TMEM117: variants seen among roughly 807,000 people sequenced by gnomAD.
TMEM117 encodes transmembrane protein 117.
Under a neutral mutation model 52.4 loss-of-function variants are expected in TMEM117, and 27 were observed. The observed-to-expected ratio is 0.51, with a 90% CI of 0.38 to 0.71. The LOEUF (loss-of-function observed/expected upper bound fraction) is 0.71. TMEM117 is among the 30% of genes least tolerant of loss of function. TMEM117 has a pLI of 0.00. For synonymous variants in TMEM117, 215 were observed against 206.3 expected, an observed-to-expected ratio of 1.04 and a Z score of -0.36; for missense variants, 556 against 630.5, an observed-to-expected ratio of 0.88 and a Z score of 1.26.
intron 2 of TMEM117, among the ~76,000 whole-genome samples, chr12:43,876,041 A>G (rs1943789588): frequency 6.6e-6 from 1 of 152,208 alleles, no homozygotes; most frequent in Non-Finnish European, 1.5e-5. Flanking sequence ...AATACTTAGT[A>G]TCTCAGAATT....
intron 5 of TMEM117, among the ~76,000 whole-genome samples, chr12:44,212,221 G>A (rs1949655393): frequency 6.6e-6 from 1 of 152,176 alleles, no homozygotes; most frequent in African/African-American, 2.4e-5. Flanking sequence ...GCTGTTCTGA[G>A]TAGTGTGATG....
intron 5 of TMEM117, among the ~76,000 whole-genome samples, chr12:44,247,831 C>A (rs1276889935): frequency 6.6e-6 from 1 of 152,206 alleles, no homozygotes; most frequent in Non-Finnish European, 1.5e-5. Context: ...GGAGAGGGTG[C>A]TGTGATAGCC....
intron 5 of TMEM117, among the ~76,000 whole-genome samples, chr12:44,287,956 G>C (rs1950657578): frequency 6.6e-6 from 1 of 152,108 alleles, no homozygotes; most frequent in Non-Finnish European, 1.5e-5. Flanking sequence ...CCAGTGCTTG[G>C]CTTAAGTGCC....
At chr12:44,089,485 A>T (rs1253550074) in intron 3 of TMEM117, among the ~76,000 whole-genome samples, 1 of 151,890 alleles carries the variant, frequency 6.6e-6, no homozygotes, top group Non-Finnish European at 1.5e-5. Flanking sequence ...ACTCAAAACC[A>T]CCTTTTCCAC....
Position 44,158,892 on chromosome 12 carries a change from C to A in TMEM117, c.510+15268C>A, listed in dbSNP as rs918629564. Among the ~76,000 whole-genome samples the A allele has an allele frequency of 2.0e-5, 3 of 152,132 alleles. No individual in the cohort carries two copies. In the South Asian group the frequency reaches 6.2e-4, roughly 31 times the overall value. ...CAGTGTCTGCCCTGGTCTTTGGCAT[C>A]CTTGCTGTGGTACAGCTGGCTGGCA... On this transcript the variant is annotated intron_variant, in intron 4 of 7. Coordinates refer to ENST00000266534, the MANE Select transcript of TMEM117 (RefSeq NM_032256.3).
intron 3 of TMEM117, among the ~76,000 whole-genome samples, chr12:44,107,243 G>C (rs1297016734): frequency 6.6e-6 from 1 of 152,084 alleles, no homozygotes; most frequent in East Asian, 1.9e-4. Context: ...GGGTTAGTAA[G>C]ATATGGGGCA....
rs770607423 is a variant in TMEM117, at chr12:44,096,626, T to C, written c.411-46899T>C. On this transcript the variant is annotated intron_variant, in intron 3 of 7. Coordinates refer to ENST00000266534, the MANE Select transcript of TMEM117 (RefSeq NM_032256.3). ...CAAGCAATGGGGAAAGGATTCCCTATTTAATAAATGGTGCTGGGAAAACTG... is the reference window on the plus strand; with the variant it reads ...CAAGCAATGGGGAAAGGATTCCCTACTTAATAAATGGTGCTGGGAAAACTG... 5.2e-3 allele frequency among the ~76,000 whole-genome samples: 791 copies of C among 151,722 alleles called. 4 individuals are homozygous for C. Among genetic ancestry groups the C allele is most frequent in the Non-Finnish European group, 8.7e-3 (591 of 67,698 alleles).
At chr12:44,170,544 C>T (rs1234842919) in intron 4 of TMEM117, among the ~76,000 whole-genome samples, 2 of 151,924 alleles carry the variant, frequency 1.3e-5, no homozygotes, top group African/African-American at 4.8e-5. Flanking sequence ...AATGTGAGAC[C>T]TCCAACTTTA....
chr12:43,973,568 C>G (rs1354242784), intron 3 of TMEM117, among the ~76,000 whole-genome samples: 1 of 152,110 alleles, frequency 6.6e-6, no homozygotes, highest in Non-Finnish European at 1.5e-5. Flanking sequence ...TGCGAGTGTA[C>G]AAGGAATTTT....
At chr12:44,392,330 T>C (rs146279866), downstream of TMEM117, among the ~76,000 whole-genome samples, 1 of 152,058 alleles carries the variant, frequency 6.6e-6, no homozygotes. Flanking sequence ...AAACAGCAGT[T>C]TTACTTTAAA....
intron 6 of TMEM117, among the ~76,000 whole-genome samples, chr12:44,357,290 C>T (rs1328322659): frequency 6.6e-6 from 1 of 152,044 alleles, no homozygotes; most frequent in African/African-American, 2.4e-5. Context: ...CAATTATGAT[C>T]ATTTCTCTAT....
intron 7 of TMEM117, among the ~76,000 whole-genome samples, chr12:44,386,165 A>T (rs966796326): frequency 6.6e-6 from 1 of 152,022 alleles, no homozygotes; most frequent in African/African-American, 2.4e-5. Flanking sequence ...CTCACTATTT[A>T]TCTGTTGATC....
intron 6 of TMEM117, among the ~76,000 whole-genome samples, chr12:44,364,311 G>A (rs1027768051): frequency 2.6e-5 from 4 of 152,126 alleles, no homozygotes; most frequent in Admixed American, 6.6e-5. Context: ...ATATTATACT[G>A]AGGTAGCATA....
At chr12:43,920,885 G>T (rs1030373490) in intron 2 of TMEM117, among the ~76,000 whole-genome samples, 1 of 152,070 alleles carries the variant, frequency 6.6e-6, no homozygotes. Flanking sequence ...GATATTTGAA[G>T]TCTGTCACCC....
At chr12:44,007,765 C>A (rs1565789929) in intron 3 of TMEM117, among the ~76,000 whole-genome samples, 1 of 152,224 alleles carries the variant, frequency 6.6e-6, no homozygotes, top group East Asian at 1.9e-4. Flanking sequence ...GTGAATAAGT[C>A]TCATGAGATC....
chr12:44,271,495 A>G (rs1262418735), intron 5 of TMEM117, among the ~76,000 whole-genome samples: 1 of 152,140 alleles, frequency 6.6e-6, no homozygotes, highest in Middle Eastern at 3.2e-3. Flanking sequence ...AGAAAATACA[A>G]TAGGGAAACA....
rs1012387154 is a variant in TMEM117 at position 43,864,090 on chromosome 12, G to A, written c.277+19162G>A. ...CCCCCAGCAGTGCTGGCCCACCAGCGCTGCGCTGGATTTCTCACGGGGCTT... is the reference window on the plus strand; with the variant it reads ...CCCCCAGCAGTGCTGGCCCACCAGCACTGCGCTGGATTTCTCACGGGGCTT... On this transcript the variant is annotated intron_variant, in intron 2 of 7. Coordinates refer to ENST00000266534, the MANE Select transcript of TMEM117 (RefSeq NM_032256.3). 2.4e-4 allele frequency among the ~76,000 whole-genome samples: 37 copies of A among 152,310 alleles called. 1 individual carries two copies. The highest frequency in any genetic ancestry group is 3.6e-4 in the African/African-American group (15 of 41,584).
intron 3 of TMEM117, among the ~76,000 whole-genome samples, chr12:44,126,665 G>A (rs995629592): frequency 2.0e-5 from 3 of 152,140 alleles, no homozygotes; most frequent in Non-Finnish European, 4.4e-5. Flanking sequence ...ATTTGGCTCT[G>A]TTCAAGGAAT....
At chr12:43,991,672 A>G (rs1945943460) in intron 3 of TMEM117, among the ~76,000 whole-genome samples, 1 of 152,196 alleles carries the variant, frequency 6.6e-6, no homozygotes, top group Non-Finnish European at 1.5e-5. Context: ...ATATATGCTC[A>G]GTAAATATTA....
Sources: gnomAD v4.1 joint callset for allele counts (sites outside exome capture counted in the v4.1 genomes callset) on GRCh38, gnomAD v4.1.1 for gene constraint, MANE v1.5 for transcripts, NCBI Gene and HGNC (gene_info 2026-07-23, HGNC 2026-07-21) for gene names.